Variants in CLUL1 observed in about 807,000 individuals in gnomAD.
The protein encoded by CLUL1 is clusterin-like protein 1.
Under a neutral mutation model 49.4 loss-of-function variants are expected in CLUL1, and 43 were observed. That is an observed-to-expected ratio of 0.87 (90% CI 0.68 to 1.12). The LOEUF (loss-of-function observed/expected upper bound fraction) is 1.12. CLUL1 is among the 50% of genes most tolerant of loss of function. CLUL1 has a pLI of 0.00. For missense variants in CLUL1, 486 were observed against 544.4 expected, an observed-to-expected ratio of 0.89 and a Z score of 1.07; for synonymous variants, 192 against 184.9, an observed-to-expected ratio of 1.04 and a Z score of -0.31.
chr18:643,797 C>A (rs1598447968), intron 8 of CLUL1, among the ~76,000 whole-genome samples: 1 of 152,186 alleles, frequency 6.6e-6, no homozygotes, highest in Admixed American at 6.5e-5. Flanking sequence ...CATTTAATAC[C>A]CTCAATGACC....
At chr18:600,604 T>C (rs996178969) in intron 1 of CLUL1, among the ~76,000 whole-genome samples, 7 of 152,256 alleles carry the variant, frequency 4.6e-5, no homozygotes, top group Admixed American at 1.3e-4. Context: ...AGAGGCTTAT[T>C]ATTTCTAGAA....
intron 2 of CLUL1, among the ~76,000 whole-genome samples, chr18:610,271 G>T (rs1006125709): frequency 2.6e-5 from 4 of 152,092 alleles, no homozygotes; most frequent in Admixed American, 2.6e-4. Context: ...AAAATAAAGC[G>T]CGGCACTTCG....
chr18:608,650 C>T (rs921295288), intron 2 of CLUL1, among the ~76,000 whole-genome samples: 7 of 152,152 alleles, frequency 4.6e-5, no homozygotes, highest in South Asian at 2.1e-4. Flanking sequence ...GCCAGGAGGT[C>T]GAGGCTGCAG....
chr18:630,076 T>C (rs1398951795), intron 6 of CLUL1, among the ~76,000 whole-genome samples: 2 of 152,198 alleles, frequency 1.3e-5, no homozygotes, highest in African/African-American at 2.4e-5. Flanking sequence ...AGGATGCAGA[T>C]GGAAATCAAT....
rs999350007 is a variant in CLUL1, at chr18:618,576, T to A, written c.106+470T>A. Among the ~76,000 whole-genome samples the A allele has an allele frequency of 6.6e-6, 1 of 152,188 alleles. No homozygotes were observed. Among genetic ancestry groups the A allele is most frequent in the African/African-American group, 2.4e-5 (1 of 41,448 alleles). On this transcript the variant is annotated intron_variant, in intron 3 of 9. Transcript: ENST00000692774. This position sits in a 1 kb window ranked among gnomAD's most constrained non-coding sequence, Gnocchi z 4.2. ...GGTGATATATACTTTGGGTACTTAA[T>A]ATATAGAAGAACAAATTAGCTAAAA... is the stretch of plus-strand genomic sequence containing the variant.
intron 6 of CLUL1, among the ~76,000 whole-genome samples, chr18:629,167 G>A (rs2073912573): frequency 6.6e-6 from 1 of 152,046 alleles, no homozygotes; most frequent in Non-Finnish European, 1.5e-5. Flanking sequence ...TGGAATTGTT[G>A]GGTTCTATTT....
rs1323404908 is a variant in CLUL1 at position 618,824 on chromosome 18, G to A, written c.107-389G>A. 2.0e-5 allele frequency among the ~76,000 whole-genome samples: 3 copies of A among 152,140 alleles called. No homozygotes were observed. The highest frequency in any genetic ancestry group is 7.2e-5 in the African/African-American group (3 of 41,440). ...TAGGTAACTGAAGCTGAAAGAAAGA[G>A]AAATTGCTGACTGTGTTTGAGGTCC... On this transcript the variant is annotated intron_variant, in intron 3 of 9. Transcript: ENST00000692774. This position sits in a 1 kb window ranked among gnomAD's most constrained non-coding sequence, Gnocchi z 4.2.
intron 7 of CLUL1, among the ~76,000 whole-genome samples, chr18:639,959 T>C (rs2074293644): frequency 6.6e-6 from 1 of 152,088 alleles, no homozygotes; most frequent in South Asian, 2.1e-4. Flanking sequence ...AAATTAGATA[T>C]GTTAGTTAAT....
In CLUL1 at chr18:627,006, GGAAAGAAAGAAA is replaced by G. The variant is rs1157861413; in HGVS notation, c.424-78_424-67del. On this transcript the variant is annotated intron_variant, in intron 5 of 9. Transcript: ENST00000692774. ...AGGAAGGAAGGAAGGAAGGAAGGAA[GGAAAGAAAGAAA>G]GAAAGAAAGAAAAGAAAGAAAGAGT... The G allele has an allele frequency of 6.4e-3, 701 of 110,388 alleles. 275 individuals are homozygous for G. The African/African-American group carries it at 0.11, about 17-fold the overall frequency. 6.8% of individuals were successfully genotyped at this position (110,388 alleles called of 1,614,324 possible). A position where few individuals can be genotyped will look rare whatever the true frequency, so the allele number is the denominator to read the frequency against.
At chr18:622,175 T>G (rs570499895) in intron 4 of CLUL1, among the ~76,000 whole-genome samples, 1 of 152,304 alleles carries the variant, frequency 6.6e-6, no homozygotes, top group South Asian at 2.1e-4. Context: ...CCACCCATTC[T>G]CAAGAGTACT....
chr18:603,941 C>T lies in CLUL1; in HGVS notation c.-135-3037C>T, dbSNP rs183937420. ...TGTCACCCAGGCTGGAGTGCAGTGTCGTGATCTTGGCTCATTGCAGCCTCC... is the reference window on the plus strand; with the variant it reads ...TGTCACCCAGGCTGGAGTGCAGTGTTGTGATCTTGGCTCATTGCAGCCTCC... On this transcript the variant is annotated intron_variant, in intron 1 of 9. Transcript: ENST00000692774. Among the ~76,000 whole-genome samples, 145 of 152,242 alleles carry T rather than the reference C, an allele frequency of 9.5e-4. 1 individual carries two copies. The highest frequency in any genetic ancestry group is 2.9e-3 in the African/African-American group (120 of 41,556).
At chr18:631,140 G>C (rs371621212) in intron 6 of CLUL1, among the ~76,000 whole-genome samples, 1 of 152,118 alleles carries the variant, frequency 6.6e-6, no homozygotes, top group Non-Finnish European at 1.5e-5. Context: ...AGGAAAAGGA[G>C]AGCGGAAATA....
rs1238119891 is a variant in CLUL1, at chr18:618,086, C to T, written c.86C>T (p.Ala29Val). Residue 29 changes from alanine to valine, a missense_variant, in exon 3 of 10, where the codon GCT (alanine) becomes GTT (valine). Physicochemically the swap from Ala to Val is moderately conservative, Grantham distance 64. Transcript: ENST00000692774. The surrounding 1 kb of genome is among the most constrained non-coding windows in gnomAD (Gnocchi z 4.2). ...GCACCCACTTGGAAGGACAAAACTG[C>T]TATCAGTGAAAACCTGAAGAGTACG... ...HCAPTWKDKT[A>V]ISENLKSFSE... 1.9e-6 allele frequency: 3 copies of T among 1,613,550 alleles called. No individual in the cohort carries two copies. The highest frequency in any genetic ancestry group is 8.5e-7 in the Non-Finnish European group (1 of 1,179,470).
intron 1 of CLUL1, among the ~76,000 whole-genome samples, chr18:598,744 A>G (rs772129825): frequency 6.6e-6 from 1 of 152,174 alleles, no homozygotes; most frequent in Non-Finnish European, 1.5e-5. Flanking sequence ...AAACAAAGCC[A>G]TGTGTGAGAA....
At position 634,091 on chromosome 18, in the gene CLUL1, C is replaced by A. The variant is rs1010116478; in HGVS notation, c.994+656C>A. ...TCCTCCAAGCACTTTTTTGCAGGCT[C>A]ATTTCCATCTGGGGGCGTTCAATGT... On this transcript the variant is annotated intron_variant, in intron 7 of 9. Transcript: ENST00000692774. Among the ~76,000 whole-genome samples, 4 of 152,186 alleles carry A rather than the reference C, an allele frequency of 2.6e-5. No homozygotes were observed. In the South Asian group the frequency reaches 8.3e-4, roughly 32 times the overall value.
At chr18:629,223 A>G (rs1379716322) in intron 6 of CLUL1, among the ~76,000 whole-genome samples, 1 of 152,192 alleles carries the variant, frequency 6.6e-6, no homozygotes, top group Non-Finnish European at 1.5e-5. Context: ...TTGGTCTGGT[A>G]GTCCATTCTG....
intron 2 of CLUL1, among the ~76,000 whole-genome samples, chr18:610,446 G>T (rs1310396840): frequency 6.7e-6 from 1 of 149,414 alleles, no homozygotes; most frequent in South Asian, 2.1e-4. Flanking sequence ...GGCAGGGCGA[G>T]CTTAGGGGAA....
chr18:647,668 T>TGAC (rs548511447), intron 9 of CLUL1, among the ~76,000 whole-genome samples: 68 of 152,300 alleles, frequency 4.5e-4, no homozygotes, highest in African/African-American at 1.6e-3. Flanking sequence ...GAGTCTTGGT[T>TGAC]GACAGTCCCC....
chr18:611,776 G>T (rs894786345), intron 2 of CLUL1, among the ~76,000 whole-genome samples: 19 of 152,114 alleles, frequency 1.2e-4, no homozygotes, highest in African/African-American at 4.3e-4. Context: ...AGTCACCGGT[G>T]GATTTGGTCA....
Sources: allele counts gnomAD v4.1 joint callset (sites outside exome capture counted in the v4.1 genomes callset), GRCh38; gene constraint gnomAD v4.1.1; non-coding constraint Gnocchi (gnomAD v3.1); transcripts MANE v1.5; gene names NCBI Gene and HGNC (gene_info 2026-07-23, HGNC 2026-07-21).